The following TASP1 variants were observed in gnomAD, a reference collection of about 807,000 sequenced individuals.
TASP1 encodes the protein threonine aspartase 1.
Under a neutral mutation model 56.6 loss-of-function variants are expected in TASP1, and 16 were observed. The observed-to-expected ratio is 0.28, with a 90% CI of 0.19 to 0.43. The LOEUF (loss-of-function observed/expected upper bound fraction) is 0.43, where lower values mean the gene tolerates loss of function less well. Ranked by LOEUF, TASP1 falls within the 20% of genes least tolerant of loss-of-function variation. The pLI is 1.00. For missense variants in TASP1, 393 were observed against 511.6 expected, an observed-to-expected ratio of 0.77 and a Z score of 2.24; for synonymous variants, 179 against 184.2, an observed-to-expected ratio of 0.97 and a Z score of 0.23.
the TASP1 span, among the ~76,000 whole-genome samples, chr20:13,292,115 G>A: frequency 6.6e-6 from 1 of 152,072 alleles, no homozygotes; most frequent in Non-Finnish European, 1.5e-5. Flanking sequence ...CCCATCCCTG[G>A]GCTCAGTGAG....
intron 11 of TASP1, among the ~76,000 whole-genome samples, chr20:13,462,985 C>A (rs934332459): frequency 1.3e-5 from 2 of 152,176 alleles, no homozygotes; most frequent in Admixed American, 1.3e-4. Context: ...CTATCAAATT[C>A]CCAGTGGCAA....
the TASP1 span, among the ~76,000 whole-genome samples, chr20:13,316,510 C>T: frequency 6.6e-6 from 1 of 151,872 alleles, no homozygotes; most frequent in Admixed American, 6.6e-5. Flanking sequence ...ACCAACATAT[C>T]TCATGAATAT....
At chr20:13,110,431 C>G in the TASP1 span, among the ~76,000 whole-genome samples, 1 of 152,158 alleles carries the variant, frequency 6.6e-6, no homozygotes, top group Non-Finnish European at 1.5e-5. Context: ...TGGAGGCTGG[C>G]CGGCTTGTGA....
At chr20:13,338,509 G>A in the TASP1 span, among the ~76,000 whole-genome samples, 1 of 152,130 alleles carries the variant, frequency 6.6e-6, no homozygotes, top group African/African-American at 2.4e-5. Flanking sequence ...TATTTTACCA[G>A]CCCCTGTTCA....
chr20:13,570,291 G>A (rs915662873), intron 6 of TASP1, among the ~76,000 whole-genome samples: 2 of 152,126 alleles, frequency 1.3e-5, no homozygotes, highest in African/African-American at 4.8e-5. Context: ...TAAGCAAATA[G>A]TAATAGCAAG....
At chr20:13,242,252 G>A in the TASP1 span, among the ~76,000 whole-genome samples, 1 of 152,160 alleles carries the variant, frequency 6.6e-6, no homozygotes, top group African/African-American at 2.4e-5. Flanking sequence ...GGAGGTCAAT[G>A]GTAAAGAAGA....
chr20:13,477,773 G>A (rs1446374022), intron 11 of TASP1, among the ~76,000 whole-genome samples: 1 of 152,108 alleles, frequency 6.6e-6, no homozygotes, highest in Non-Finnish European at 1.5e-5. Context: ...GTATTATTAA[G>A]GCACTATTTT....
chr20:13,279,902 A>T, the TASP1 span: 1 of 1,612,834 alleles, frequency 6.2e-7, no homozygotes, highest in Non-Finnish European at 8.5e-7. Context: ...GAATATGGTG[A>T]GTTTACCACC....
chr20:13,497,214 TG>T (rs1195388540), intron 10 of TASP1, among the ~76,000 whole-genome samples: 37 of 152,246 alleles, frequency 2.4e-4, no homozygotes, highest in African/African-American at 7.9e-4. Context: ...TTTTGAAGTC[TG>T]GGGACACAAC....
the TASP1 span, among the ~76,000 whole-genome samples, chr20:13,127,405 AT>A: frequency 6.6e-6 from 1 of 152,204 alleles, no homozygotes; most frequent in African/African-American, 2.4e-5. Context: ...TGGTGAGCAC[AT>A]TTATGGAAGT....
intron 10 of TASP1, among the ~76,000 whole-genome samples, chr20:13,502,945 G>A (rs2043999547): frequency 6.6e-6 from 1 of 152,128 alleles, no homozygotes; most frequent in Non-Finnish European, 1.5e-5. Flanking sequence ...GCACAGCTCA[G>A]TGCCAAAAGA....
chr20:13,566,154 GCCA>G (rs2046522142), intron 7 of TASP1, among the ~76,000 whole-genome samples: 1 of 152,114 alleles, frequency 6.6e-6, no homozygotes, highest in Non-Finnish European at 1.5e-5. Context: ...AAATGAACTA[GCCA>G]GGGACTAAAT....
At chr20:13,366,947 G>C in the TASP1 span, among the ~76,000 whole-genome samples, 1 of 152,070 alleles carries the variant, frequency 6.6e-6, no homozygotes, top group Non-Finnish European at 1.5e-5. Context: ...CTCAGTAATT[G>C]GTTTTAGGAG....
chr20:13,433,312 C>T (rs2042877807), intron 12 of TASP1, among the ~76,000 whole-genome samples: 1 of 151,958 alleles, frequency 6.6e-6, no homozygotes, highest in Non-Finnish European at 1.5e-5. Context: ...TATGTAAACC[C>T]CATGTCCATC....
At chr20:13,221,055 C>T in the TASP1 span, among the ~76,000 whole-genome samples, 12 of 152,110 alleles carry the variant, frequency 7.9e-5, no homozygotes, top group Non-Finnish European at 1.8e-4. Flanking sequence ...GGGCCCCCAT[C>T]TGGAACCGGC....
At chr20:13,405,422 A>G (rs922440891) in intron 13 of TASP1, among the ~76,000 whole-genome samples, 3 of 152,236 alleles carry the variant, frequency 2.0e-5, no homozygotes, top group Non-Finnish European at 4.4e-5. Flanking sequence ...TGTTGAATGT[A>G]TAATTTCTCA....
the TASP1 span, among the ~76,000 whole-genome samples, chr20:13,344,176 C>T: frequency 6.6e-6 from 1 of 152,044 alleles, no homozygotes; most frequent in Non-Finnish European, 1.5e-5. Flanking sequence ...TGGGGAGAAG[C>T]ATGACCTCTA....
chr20:13,107,194 T>G, the TASP1 span, among the ~76,000 whole-genome samples: 5 of 152,200 alleles, frequency 3.3e-5, no homozygotes, highest in African/African-American at 1.2e-4. Context: ...TCAAAATCTC[T>G]GAGTAGAAAT....
At chr20:13,501,686 T>C (rs1331127879) in intron 10 of TASP1, among the ~76,000 whole-genome samples, 2 of 151,998 alleles carry the variant, frequency 1.3e-5, no homozygotes, top group East Asian at 3.8e-4. Context: ...TAAACATAAA[T>C]GGACTAAATA....
Sources: gnomAD v4.1 joint callset for allele counts (sites outside exome capture counted in the v4.1 genomes callset) on GRCh38, gnomAD v4.1.1 for gene constraint, MANE v1.5 for transcripts, NCBI Gene and HGNC (gene_info 2026-07-23, HGNC 2026-07-21) for gene names.